The following DEK variants were observed in gnomAD, a reference collection of about 807,000 sequenced individuals.
DEK encodes the protein protein DEK.
DEK carries 28 observed loss-of-function variants against 46.8 expected under a neutral mutation model. The observed-to-expected ratio is 0.60, with a 90% CI of 0.44 to 0.82. The LOEUF (loss-of-function observed/expected upper bound fraction) is 0.82, where lower values mean the gene tolerates loss of function less well. Among genes scored for constraint, DEK ranks in the 40% least tolerant of loss-of-function variants. DEK has a pLI of 0.00. For synonymous variants in DEK, 160 were observed against 144.5 expected (o/e 1.11, Z -0.77); for missense variants, 416 against 430.6 (o/e 0.97, Z 0.30).
rs1791455275 is a variant in DEK at position 18,252,997 on chromosome 6, T to A, written c.573+2734A>T. 2.0e-5 allele frequency among the ~76,000 whole-genome samples: 3 copies of A among 152,210 alleles called. No individual in the cohort carries two copies. The South Asian group carries it at 6.2e-4, about 31-fold the overall frequency. On this transcript the variant is annotated intron_variant, in intron 6 of 10. Coordinates refer to ENST00000652689, the MANE Select transcript of DEK (RefSeq NM_003472.4). ...TCTGTGACAAAATGGAAGATATACA[T>A]AAATATGGCTACAACTGAAGTTCAA...
At chr6:18,256,677 T>C (rs745357731) in intron 4 of DEK, among the ~76,000 whole-genome samples, 38 of 152,224 alleles carry the variant, frequency 2.5e-4, no homozygotes, top group Non-Finnish European at 8.8e-5. Flanking sequence ...ATAAAAATCC[T>C]ACAAACTTAA....
At chr6:18,246,173 G>C (rs962731320) in intron 7 of DEK, among the ~76,000 whole-genome samples, 1 of 152,162 alleles carries the variant, frequency 6.6e-6, no homozygotes, top group Admixed American at 6.5e-5. Flanking sequence ...ATAGGAACCA[G>C]CTGATTTTCA....
At chr6:18,227,432 G>C (rs1239574084) in intron 9 of DEK, among the ~76,000 whole-genome samples, 1 of 151,842 alleles carries the variant, frequency 6.6e-6, no homozygotes, top group Non-Finnish European at 1.5e-5. Context: ...ATGATGCAGA[G>C]ACCTTTGTTC....
intron 7 of DEK, among the ~76,000 whole-genome samples, chr6:18,240,883 A>C (rs527386973): frequency 3.3e-5 from 5 of 152,352 alleles, no homozygotes; most frequent in Admixed American, 6.5e-5. Context: ...AACTGTATTA[A>C]CTAGCCATGA....
intron 6 of DEK, among the ~76,000 whole-genome samples, chr6:18,253,137 T>A (rs1350788360): frequency 6.6e-6 from 1 of 151,944 alleles, no homozygotes; most frequent in Non-Finnish European, 1.5e-5. Flanking sequence ...TCTCGCTCTG[T>A]CGCCCAGGCT....
Position 18,224,529 on chromosome 6 carries a change from G to GTT in DEK, c.*1188_*1189dup, listed in dbSNP as rs1790023749. 2 of 201,732 alleles carry GTT rather than the reference G, an allele frequency of 9.9e-6. No individual in the cohort carries two copies. Among genetic ancestry groups the GTT allele is most frequent in the East Asian group, 1.5e-4 (2 of 13,104 alleles). 12.5% of individuals were successfully genotyped at this position (201,732 alleles called of 1,614,324 possible). On this transcript the variant is annotated 3_prime_UTR_variant, in exon 11 of 11. Coordinates refer to ENST00000652689, the MANE Select transcript of DEK (RefSeq NM_003472.4). Reference sequence around the variant, plus strand: ...GTCTCATTCAGGAGTGGTCCATTATGTTGATCATCTAGAATCAACACTGAT... The same window carrying GTT: ...GTCTCATTCAGGAGTGGTCCATTATGTTTTGATCATCTAGAATCAACACTGAT...
At chr6:18,243,567 C>A (rs1362122776) in intron 7 of DEK, among the ~76,000 whole-genome samples, 5 of 152,184 alleles carry the variant, frequency 3.3e-5, no homozygotes, top group Admixed American at 1.3e-4. Flanking sequence ...TGTTCCTTAT[C>A]TTTGTTCACA....
chr6:18,242,112 G>A (rs1474886932), intron 7 of DEK, among the ~76,000 whole-genome samples: 1 of 152,202 alleles, frequency 6.6e-6, no homozygotes, highest in Non-Finnish European at 1.5e-5. Flanking sequence ...GAAAGAATAG[G>A]AAGCCATGCA....
At chr6:18,229,519 A>G (rs1039053346) in intron 9 of DEK, among the ~76,000 whole-genome samples, 3 of 152,244 alleles carry the variant, frequency 2.0e-5, no homozygotes, top group Admixed American at 2.0e-4. Context: ...TAACCAGTGT[A>G]GAGAAGTCCT....
intron 9 of DEK, among the ~76,000 whole-genome samples, chr6:18,228,918 A>C (rs1370302913): frequency 1.3e-5 from 2 of 152,180 alleles, no homozygotes; most frequent in African/African-American, 4.8e-5. Flanking sequence ...AGGAGGCCTG[A>C]CTGCCTCTGT....
chr6:18,250,787 G>A (rs887027886), intron 6 of DEK, among the ~76,000 whole-genome samples: 4 of 151,406 alleles, frequency 2.6e-5, no homozygotes, highest in Admixed American at 6.6e-5. Context: ...GAGCCACCAC[G>A]CCTGGCCCAT....
In DEK at chr6:18,225,709, G is replaced by A; in HGVS notation, c.*10C>T. ...TCTATGGGAACGAGTCATCTTCTCT[G>A]TCCTCTATCTCAAGAAATTAGCTGT... On this transcript the variant is annotated 3_prime_UTR_variant, in exon 11 of 11. Transcript: ENST00000652689. 6.2e-7 allele frequency: 1 copy of A among 1,612,760 alleles called. No individual in the cohort carries two copies. Among genetic ancestry groups the A allele is most frequent in the East Asian group, 2.2e-5 (1 of 44,792 alleles).
At chr6:18,264,079 C>T (rs1438329352) in intron 1 of DEK, 83 bp from the exon 2 acceptor site, 2 of 1,298,496 alleles carry the variant, frequency 1.5e-6, no homozygotes, top group Non-Finnish European at 2.1e-6. Context: ...TGATGCTACC[C>T]TTCCCGCGGG....
intron 7 of DEK, among the ~76,000 whole-genome samples, chr6:18,239,796 GTTCA>G (rs1351673374): frequency 2.6e-5 from 4 of 152,190 alleles, no homozygotes; most frequent in Admixed American, 2.0e-4. Context: ...AAGTTTTAAG[GTTCA>G]TTAAGTGTCC....
At chr6:18,232,884 T>C (rs143415132) in intron 9 of DEK, among the ~76,000 whole-genome samples, 2,147 of 152,294 alleles carry the variant, frequency 0.014, 18 homozygotes, top group Non-Finnish European at 0.02. Flanking sequence ...AGAGCCCGCA[T>C]TGCCAAAACA....
At chr6:18,262,028 C>T (rs534692163) in intron 2 of DEK, among the ~76,000 whole-genome samples, 4 of 152,226 alleles carry the variant, frequency 2.6e-5, no homozygotes, top group East Asian at 1.9e-4. Context: ...CCCTCATGAA[C>T]GGCTTAGCAT....
chr6:18,227,260 G>C (rs758328747), intron 9 of DEK, among the ~76,000 whole-genome samples: 35 of 152,244 alleles, frequency 2.3e-4, no homozygotes, highest in Non-Finnish European at 4.1e-4. Flanking sequence ...CTGGGCAATG[G>C]AATGTCTCGG....
In DEK at chr6:18,237,776, T is replaced by C. The variant is rs1025285989; in HGVS notation, c.763-260A>G. ...CACTATGGATAAACTACATATGCAT[T>C]ACTCTACTTAATCTTGGGGGGGACC... On this transcript the variant is annotated intron_variant, in intron 7 of 10. Transcript: ENST00000652689. Among the ~76,000 whole-genome samples, 3 of 152,096 alleles carry C rather than the reference T, an allele frequency of 2.0e-5. 1 individual carries two copies. Among genetic ancestry groups the C allele is most frequent in the South Asian group, 4.1e-4 (2 of 4,830 alleles).
rs1791277635 is a variant in DEK, at chr6:18,249,669, A to G, written c.744T>C (p.Asp248=). The G allele has an allele frequency of 6.3e-7, 1 of 1,583,626 alleles. No individual in the cohort carries two copies. Among genetic ancestry groups the G allele is most frequent in the Non-Finnish European group, 8.5e-7 (1 of 1,170,802 alleles). ...ATTTTACCTCCTCTTCACTTTCTTTATCTTCATCATCTGAAGACTCTTCCT... is the reference window on the plus strand; with the variant it reads ...ATTTTACCTCCTCTTCACTTTCTTTGTCTTCATCATCTGAAGACTCTTCCT... ...KNKEESSDDE[D]KESEEEPPKK... Residue 248 remains aspartate, a synonymous_variant, in exon 7 of 11, where the codon GAT becomes GAC. Transcript: ENST00000652689.
Sources: allele counts gnomAD v4.1 joint callset (sites outside exome capture counted in the v4.1 genomes callset), GRCh38; gene constraint gnomAD v4.1.1; transcripts MANE v1.5; gene names NCBI Gene and HGNC (gene_info 2026-07-23, HGNC 2026-07-21).